The following TMC1 variants were observed in gnomAD, a reference collection of about 807,000 sequenced individuals.
TMC1 encodes transmembrane channel-like protein 1.
TMC1 carries 84 observed loss-of-function variants against 105.8 expected under a neutral mutation model. The observed-to-expected ratio is 0.79, with a 90% CI of 0.67 to 0.95. The LOEUF is 0.95. TMC1 is among the 40% of genes least tolerant of loss of function. The probability of loss-of-function intolerance (pLI) is 0.00; values close to 1 mark genes in which losing one functional copy is unlikely to be tolerated. For missense variants in TMC1, 817 were observed against 914.1 expected (o/e 0.89, Z 1.37); for synonymous variants, 315 against 311.5 (o/e 1.01, Z -0.12).
chr9:72,618,022 C>G lies in TMC1; in HGVS notation c.-196+1545C>G, dbSNP rs1416493700. Reference sequence around the variant, plus strand: ...AGGAGCGAGACTTCTCTGGGTACATCTTTTTTTTTTTTTTTTTTTTTTTTG... The same window carrying G: ...AGGAGCGAGACTTCTCTGGGTACATGTTTTTTTTTTTTTTTTTTTTTTTTG... On this transcript the variant is annotated intron_variant, in intron 3 of 23. Transcript: ENST00000297784. Among the ~76,000 whole-genome samples the G allele has an allele frequency of 3.8e-5, 3 of 79,202 alleles. No homozygotes were observed. In the South Asian group the frequency reaches 1.6e-3, roughly 42 times the overall value. The allele number at this position is 79,202 out of a possible 152,430, so 52.0% of individuals were successfully genotyped here.
At chr9:72,572,375 A>G (rs558872935) in intron 1 of TMC1, among the ~76,000 whole-genome samples, 7 of 151,844 alleles carry the variant, frequency 4.6e-5, no homozygotes, top group Non-Finnish European at 1.0e-4. Flanking sequence ...TTTGTATTTT[A>G]GTAGAGATGG....
chr9:72,636,362 C>T (rs916684300), intron 4 of TMC1, among the ~76,000 whole-genome samples: 3 of 152,026 alleles, frequency 2.0e-5, no homozygotes, highest in Admixed American at 2.0e-4. Flanking sequence ...TCTTTCTGTC[C>T]CAGGTCTTTC....
Position 72,792,060 on chromosome 9 carries a change from A to C in TMC1, c.1399A>C (p.Asn467His). 1.2e-6 allele frequency: 2 copies of C among 1,614,130 alleles called. No individual in the cohort carries two copies. The highest frequency in any genetic ancestry group is 8.5e-7 in the Non-Finnish European group (1 of 1,180,016). Residue 467 changes from asparagine to histidine, a missense_variant, in exon 16 of 24, where the codon AAC becomes CAC. Physicochemically the swap from Asn to His is moderately conservative, Grantham distance 68. Transcript: ENST00000297784. The part of the protein sequence containing the change: ...FILALMDEIN[N>H]KIEEEKLVKA... ...TCTTGCATTAATGGATGAGATTAAC[A>C]ACAAGGTAAGCCTTGTTTCTGGATT...
chr9:72,695,136 T>A (rs1407518203), intron 7 of TMC1, among the ~76,000 whole-genome samples: 6 of 152,142 alleles, frequency 3.9e-5, no homozygotes. Flanking sequence ...TTTTTACAGC[T>A]TCAAAGGGTC....
Position 72,706,605 on chromosome 9 carries a change from C to G in TMC1, c.362+5962C>G, listed in dbSNP as rs1470596811. On this transcript the variant is annotated intron_variant, in intron 8 of 23. Transcript: ENST00000297784. ...CCCTTTCCCCAGAGTCCCCAAAGAC[C>G]ACTGTATCATTCTTATGCATTTCCG... 1.1e-4 allele frequency among the ~76,000 whole-genome samples: 17 copies of G among 152,074 alleles called. No individual in the cohort carries two copies. The East Asian group carries it at 3.3e-3, about 29-fold the overall frequency.
chr9:72,559,261 AT>A (rs1203832577), intron 1 of TMC1, among the ~76,000 whole-genome samples: 1 of 151,872 alleles, frequency 6.6e-6, no homozygotes, highest in East Asian at 1.9e-4. Context: ...GGCCTCACTA[AT>A]TTTTTGTATT....
intron 8 of TMC1, among the ~76,000 whole-genome samples, chr9:72,711,267 C>T (rs957943447): frequency 6.6e-6 from 1 of 152,088 alleles, no homozygotes; most frequent in Non-Finnish European, 1.5e-5. Flanking sequence ...ATTTATAATC[C>T]TTTGGGTATA....
intron 10 of TMC1, among the ~76,000 whole-genome samples, chr9:72,743,712 T>TAGGAAGGAAGGAAGGA (rs144187332): frequency 6.6e-6 from 1 of 151,366 alleles, no homozygotes; most frequent in African/African-American, 2.4e-5. Context: ...AGAATATTCA[T>TAGGAAGGAAGGAAGGA]AGGAAGGAAG....
At chr9:72,665,633 A>G (rs1826030999) in intron 5 of TMC1, among the ~76,000 whole-genome samples, 1 of 152,228 alleles carries the variant, frequency 6.6e-6, no homozygotes, top group Non-Finnish European at 1.5e-5. Flanking sequence ...TGGAATTCAC[A>G]AGTCTGACAA....
At chr9:72,758,596 A>G (rs918495363) in intron 12 of TMC1, among the ~76,000 whole-genome samples, 3 of 152,180 alleles carry the variant, frequency 2.0e-5, no homozygotes, top group Non-Finnish European at 2.9e-5. Context: ...GGTAGAGATC[A>G]GACGCCACAG....
chr9:72,656,430 G>A (rs1361375179), intron 5 of TMC1, among the ~76,000 whole-genome samples: 1 of 151,996 alleles, frequency 6.6e-6, no homozygotes, highest in Admixed American at 6.5e-5. Context: ...TATCCAGTAT[G>A]TTTCTCATTT....
chr9:72,768,739 C>A (rs1827877849), intron 12 of TMC1, among the ~76,000 whole-genome samples: 1 of 152,080 alleles, frequency 6.6e-6, no homozygotes, highest in South Asian at 2.1e-4. Context: ...AGCTGGCTGC[C>A]CCCAGTAGCT....
In TMC1 at chr9:72,767,069, G is replaced by A. The variant is rs140324895; in HGVS notation, c.742-5344G>A. ...TGTGTTGCGTCCTACTCCATGAAAT[G>A]TTGAGTGCCAGTCCTTGTCTTTCAT... is the stretch of plus-strand genomic sequence containing the variant. On this transcript the variant is annotated intron_variant, in intron 12 of 23. Transcript: ENST00000297784. 4.0e-4 allele frequency among the ~76,000 whole-genome samples: 61 copies of A among 152,282 alleles called. 2 individuals are homozygous for A. The East Asian group carries it at 0.011, about 28-fold the overall frequency.
chr9:72,718,755 G>T (rs1404952127), intron 8 of TMC1, among the ~76,000 whole-genome samples: 2 of 152,116 alleles, frequency 1.3e-5, no homozygotes, highest in African/African-American at 2.4e-5. Context: ...GGTGGGTGGG[G>T]GCCCTAGAAC....
intron 20 of TMC1, among the ~76,000 whole-genome samples, chr9:72,822,562 T>TG (rs1828893469): frequency 9.6e-6 from 1 of 104,272 alleles, no homozygotes; most frequent in Admixed American, 1.0e-4. Context: ...GTGTGTGTGT[T>TG]TCCAAGTGGG....
chr9:72,625,274 C>T (rs1825325868), intron 3 of TMC1, among the ~76,000 whole-genome samples: 1 of 152,130 alleles, frequency 6.6e-6, no homozygotes, highest in Admixed American at 6.5e-5. Context: ...GGATTTATTG[C>T]TTATTGTAGC....
chr9:72,776,888 G>C (rs1161355212), intron 13 of TMC1, among the ~76,000 whole-genome samples: 1 of 151,932 alleles, frequency 6.6e-6, no homozygotes, highest in Non-Finnish European at 1.5e-5. Context: ...TGATGTCTCT[G>C]TCTCGTCCTG....
At chr9:72,722,334 A>G (rs984255804) in intron 8 of TMC1, among the ~76,000 whole-genome samples, 1 of 152,128 alleles carries the variant, frequency 6.6e-6, no homozygotes, top group South Asian at 2.1e-4. Context: ...AATGAGATTA[A>G]TCTTCCCTAT....
chr9:72,748,393 G>A (rs1240033523), intron 10 of TMC1, among the ~76,000 whole-genome samples: 1 of 152,182 alleles, frequency 6.6e-6, no homozygotes, highest in Non-Finnish European at 1.5e-5. Flanking sequence ...GTCAACAACT[G>A]TGTTAAAGTT....
Sources: gnomAD v4.1 joint callset for allele counts (sites outside exome capture counted in the v4.1 genomes callset) on GRCh38, gnomAD v4.1.1 for gene constraint, MANE v1.5 for transcripts, NCBI Gene and HGNC (gene_info 2026-07-23, HGNC 2026-07-21) for gene names.